Variants in HEMK2 observed in about 807,000 individuals in gnomAD.
HEMK2 encodes HemK methyltransferase 2, ETF1 glutamine and histone H4 lysine.
the HEMK2 span, among the ~76,000 whole-genome samples, chr21:28,838,972 AAT>A: frequency 0.014 from 418 of 29,122 alleles, 5 homozygotes; most frequent in Admixed American, 0.031. Context: ...AAAAAAAAAA[AAT>A]ATATATATAT....
chr21:28,743,786 T>C, the HEMK2 span, among the ~76,000 whole-genome samples: 10 of 152,230 alleles, frequency 6.6e-5, no homozygotes, highest in Non-Finnish European at 2.9e-5. Context: ...TTAACTGTTA[T>C]GCTTGGATCA....
At chr21:28,798,781 G>A in the HEMK2 span, among the ~76,000 whole-genome samples, 1 of 152,132 alleles carries the variant, frequency 6.6e-6, no homozygotes. Context: ...AACTCCTTGG[G>A]TTGTGCCAAG....
At chr21:28,785,065 G>GT in the HEMK2 span, among the ~76,000 whole-genome samples, 2 of 152,224 alleles carry the variant, frequency 1.3e-5, no homozygotes, top group East Asian at 3.9e-4. Flanking sequence ...CTTAAGAGCT[G>GT]TAACAGTCAC....
chr21:28,878,244 G>C, the HEMK2 span: 1 of 1,604,006 alleles, frequency 6.2e-7, no homozygotes, highest in Non-Finnish European at 8.5e-7. Flanking sequence ...TTGGTGAAAG[G>C]AGATCTGGAA....
chr21:28,840,998 T>C, the HEMK2 span, among the ~76,000 whole-genome samples: 2 of 84,086 alleles, frequency 2.4e-5, no homozygotes, highest in Non-Finnish European at 4.4e-5. Flanking sequence ...TAGATACATA[T>C]ATATATTATA....
the HEMK2 span, among the ~76,000 whole-genome samples, chr21:28,695,667 G>A: frequency 5.3e-5 from 8 of 151,966 alleles, no homozygotes; most frequent in Non-Finnish European, 7.4e-5. Context: ...TACAATTCAC[G>A]GTGAGATTTG....
the HEMK2 span, among the ~76,000 whole-genome samples, chr21:28,716,560 C>A: frequency 1.3e-5 from 2 of 152,252 alleles, no homozygotes; most frequent in South Asian, 2.1e-4. Context: ...TTCTAGATAT[C>A]AAATCATATC....
chr21:28,735,212 T>C, the HEMK2 span, among the ~76,000 whole-genome samples: 3 of 152,246 alleles, frequency 2.0e-5, no homozygotes, highest in African/African-American at 4.8e-5. Flanking sequence ...AACACTCATT[T>C]ACTAGCTCAT....
At chr21:28,851,304 G>A in the HEMK2 span, among the ~76,000 whole-genome samples, 1 of 152,100 alleles carries the variant, frequency 6.6e-6, no homozygotes, top group African/African-American at 2.4e-5. Context: ...GGATCTGATG[G>A]GTCATATGGC....
the HEMK2 span, among the ~76,000 whole-genome samples, chr21:28,757,828 G>C: frequency 3.9e-5 from 6 of 152,164 alleles, no homozygotes; most frequent in African/African-American, 9.7e-5. Context: ...AGCAGAAACA[G>C]AGTTTGTTCA....
chr21:28,694,826 G>A, the HEMK2 span, among the ~76,000 whole-genome samples: 84,397 of 151,732 alleles, frequency 0.56, 26,134 homozygotes, highest in East Asian at 0.84. Context: ...GTGAAACCCC[G>A]TCTCTACTAA....
chr21:28,879,893 A>G, the HEMK2 span: 1 of 1,599,572 alleles, frequency 6.3e-7, no homozygotes, highest in Non-Finnish European at 8.5e-7. Context: ...GTCACTACAT[A>G]GGGGGGATTA....
chr21:28,597,328 A>C, the HEMK2 span, among the ~76,000 whole-genome samples: 14 of 152,344 alleles, frequency 9.2e-5, no homozygotes, highest in East Asian at 2.7e-3. Context: ...GGCATCTGTT[A>C]AGGAGAGAGG....
the HEMK2 span, among the ~76,000 whole-genome samples, chr21:28,780,603 G>A: frequency 3.3e-5 from 5 of 152,302 alleles, no homozygotes; most frequent in East Asian, 1.9e-4. Context: ...GAGCCACCGC[G>A]CCCAGCCAGA....
chr21:28,878,966 T>A, the HEMK2 span, among the ~76,000 whole-genome samples: 1 of 148,260 alleles, frequency 6.7e-6, no homozygotes, highest in South Asian at 2.1e-4. Context: ...ATATATTATA[T>A]AAAGGCACAC....
At chr21:28,588,713 A>G in the HEMK2 span, among the ~76,000 whole-genome samples, 2 of 152,144 alleles carry the variant, frequency 1.3e-5, no homozygotes, top group East Asian at 1.9e-4. Context: ...GCTCATGCCT[A>G]TAATCCCAGC....
chr21:28,713,001 G>T, the HEMK2 span, among the ~76,000 whole-genome samples: 3 of 152,210 alleles, frequency 2.0e-5, no homozygotes, highest in African/African-American at 7.2e-5. Context: ...GTACACTAAG[G>T]TTTCAGATCT....
At chr21:28,726,705 C>T in the HEMK2 span, among the ~76,000 whole-genome samples, 18 of 152,078 alleles carry the variant, frequency 1.2e-4, no homozygotes, top group East Asian at 2.5e-3. Flanking sequence ...GTCAGGAGTT[C>T]GAGACCAGCC....
At chr21:28,788,608 TCA>T in the HEMK2 span, among the ~76,000 whole-genome samples, 1 of 150,416 alleles carries the variant, frequency 6.6e-6, no homozygotes, top group Non-Finnish European at 1.5e-5. Context: ...AGCCAAAATC[TCA>T]CAAATCATCA....
Sources: allele counts gnomAD v4.1 joint callset (sites outside exome capture counted in the v4.1 genomes callset), GRCh38; gene constraint gnomAD v4.1.1; transcripts MANE v1.5; gene names NCBI Gene and HGNC (gene_info 2026-07-23, HGNC 2026-07-21).